GABRG3: variants seen among roughly 807,000 people sequenced by gnomAD.
GABRG3 encodes the protein gamma-aminobutyric acid type A receptor subunit gamma3.
GABRG3 carries 25 observed loss-of-function variants against 48.8 expected under a neutral mutation model. That is an observed-to-expected ratio of 0.51 (90% CI 0.37 to 0.72). The LOEUF (loss-of-function observed/expected upper bound fraction) is 0.72, where lower values mean the gene tolerates loss of function less well. GABRG3 is among the 30% of genes least tolerant of loss of function. The probability of loss-of-function intolerance (pLI) is 0.00; values close to 1 mark genes in which losing one functional copy is unlikely to be tolerated. For missense variants in GABRG3, 394 were observed against 577.9 expected (o/e 0.68, Z 3.26); for synonymous variants, 227 against 217.6 (o/e 1.04, Z -0.38).
At chr15:27,513,694 GA>G (rs146175957) in intron 6 of GABRG3, among the ~76,000 whole-genome samples, 5 of 151,782 alleles carry the variant, frequency 3.3e-5, no homozygotes, top group South Asian at 2.1e-4. Flanking sequence ...GGCTGTATTG[GA>G]AAAAAAATCC....
chr15:27,127,584 C>T (rs773247454), intron 3 of GABRG3, among the ~76,000 whole-genome samples: 4 of 152,068 alleles, frequency 2.6e-5, no homozygotes, highest in South Asian at 2.1e-4. Context: ...CTGCACTTCA[C>T]GGTGGAGGGA....
At chr15:26,996,046 AAATAT>A (rs1895334450) in intron 2 of GABRG3, among the ~76,000 whole-genome samples, 1 of 152,118 alleles carries the variant, frequency 6.6e-6, no homozygotes, top group Non-Finnish European at 1.5e-5. Context: ...ATATGTAGTT[AAATAT>A]ATTTTATTAT....
chr15:27,377,427 T>C lies in GABRG3; in HGVS notation c.574+48539T>C, dbSNP rs576340704. Among the ~76,000 whole-genome samples the C allele has an allele frequency of 2.0e-5, 3 of 152,242 alleles. No homozygotes were observed. In the South Asian group the frequency reaches 6.2e-4, roughly 32 times the overall value. On this transcript the variant is annotated intron_variant, in intron 5 of 9. Transcript: ENST00000615808. ...AGTTTTCATGCTGCTGATAAAGACA[T>C]ACCCAAGACTGGAAAGAAAAAGAGG...
At position 27,112,257 on chromosome 15, in the gene GABRG3, T is replaced by A. The variant is rs1490409822; in HGVS notation, c.270+85436T>A. The stretch of plus-strand genomic sequence containing the variant: ...TAGGGTAACAGTGTTTTCCGGTGAC[T>A]TCAGTTCTCTGATGGATTTAGAAAG... On this transcript the variant is annotated intron_variant, in intron 3 of 9. Coordinates refer to ENST00000615808, the MANE Select transcript of GABRG3 (RefSeq NM_033223.5). Among the ~76,000 whole-genome samples the A allele has an allele frequency of 3.3e-5, 5 of 152,162 alleles. No individual in the cohort carries two copies. In the East Asian group the frequency reaches 9.6e-4, roughly 29 times the overall value.
chr15:27,490,807 T>G (rs4555109), intron 6 of GABRG3, among the ~76,000 whole-genome samples: 112,001 of 151,948 alleles, frequency 0.74, 43,437 homozygotes, highest in Non-Finnish European at 0.85. Flanking sequence ...TATTTATCTT[T>G]TAGACTCATT....
chr15:27,453,218 C>T (rs1345555116), intron 5 of GABRG3, among the ~76,000 whole-genome samples: 1 of 152,096 alleles, frequency 6.6e-6, no homozygotes, highest in Non-Finnish European at 1.5e-5. Context: ...ATGTACAGCA[C>T]CATGACTATA....
intron 3 of GABRG3, among the ~76,000 whole-genome samples, chr15:27,135,770 T>C (rs1566944285): frequency 6.6e-6 from 1 of 152,050 alleles, no homozygotes; most frequent in Non-Finnish European, 1.5e-5. Context: ...CCAGTCATGG[T>C]GGTGTGCGCC....
intron 3 of GABRG3, among the ~76,000 whole-genome samples, chr15:27,123,507 G>A (rs1436261141): frequency 6.6e-6 from 1 of 152,224 alleles, no homozygotes; most frequent in African/African-American, 2.4e-5. Context: ...ATCTGCTGGA[G>A]CCTTGATCTT....
rs201244461 is a variant in GABRG3 at position 27,424,903 on chromosome 15, G to C, written c.575-55747G>C. ...CATTGGTGATTACATTTCAGCGTAT[G>C]AACTACGGGGACACATTCAGAGCAT... On this transcript the variant is annotated intron_variant, in intron 5 of 9. Coordinates refer to ENST00000615808, the MANE Select transcript of GABRG3 (RefSeq NM_033223.5). Among the ~76,000 whole-genome samples the C allele has an allele frequency of 2.6e-5, 4 of 152,250 alleles. No homozygotes were observed. The East Asian group carries it at 7.8e-4, about 30-fold the overall frequency.
intron 2 of GABRG3, among the ~76,000 whole-genome samples, chr15:27,005,826 T>C (rs1406484636): frequency 6.6e-6 from 1 of 152,200 alleles, no homozygotes; most frequent in Non-Finnish European, 1.5e-5. Flanking sequence ...GTGGTAGAGT[T>C]TGTGGCCAAT....
intron 3 of GABRG3, among the ~76,000 whole-genome samples, chr15:27,137,788 T>C (rs775034472): frequency 9.2e-5 from 14 of 152,184 alleles, no homozygotes; most frequent in Non-Finnish European, 2.1e-4. Context: ...CTGTGGCAAA[T>C]GCTCAGGTGA....
chr15:27,527,692 A>T, intron 8 of GABRG3, 63 bp downstream of exon 8: 1 of 1,407,258 alleles, frequency 7.1e-7, no homozygotes. Context: ...ATGAGTGTGT[A>T]CTTAAATGCA....
At chr15:27,277,690 G>C (rs1019869384) in intron 3 of GABRG3, among the ~76,000 whole-genome samples, 1 of 152,072 alleles carries the variant, frequency 6.6e-6, no homozygotes, top group African/African-American at 2.4e-5. Flanking sequence ...CTTCACAACA[G>C]TACCTATAAA....
At chr15:27,445,016 C>T (rs1888901551) in intron 5 of GABRG3, among the ~76,000 whole-genome samples, 2 of 152,156 alleles carry the variant, frequency 1.3e-5, no homozygotes, top group Non-Finnish European at 1.5e-5. Flanking sequence ...TGATTACAGG[C>T]GCCTGCCACC....
chr15:27,078,782 A>G (rs1896948788), intron 3 of GABRG3, among the ~76,000 whole-genome samples: 1 of 152,192 alleles, frequency 6.6e-6, no homozygotes, highest in South Asian at 2.1e-4. Context: ...CTGGCCAGTA[A>G]AGTGGTCAGT....
intron 5 of GABRG3, among the ~76,000 whole-genome samples, chr15:27,333,272 A>G (rs902960176): frequency 1.3e-5 from 2 of 152,212 alleles, no homozygotes; most frequent in African/African-American, 2.4e-5. Context: ...TCAATTTAAT[A>G]TCTTACATTT....
intron 6 of GABRG3, among the ~76,000 whole-genome samples, chr15:27,493,671 A>T (rs1426645523): frequency 1.3e-5 from 2 of 152,246 alleles, no homozygotes; most frequent in Non-Finnish European, 1.5e-5. Context: ...ATTGCTCTGA[A>T]GTTAAAAACA....
intron 3 of GABRG3, among the ~76,000 whole-genome samples, chr15:27,140,121 G>A (rs1390805822): frequency 6.6e-6 from 1 of 152,164 alleles, no homozygotes; most frequent in East Asian, 1.9e-4. Flanking sequence ...ACCAGTAAAG[G>A]TAAGTTTCAC....
At chr15:27,192,524 T>C (rs1888352400) in intron 3 of GABRG3, among the ~76,000 whole-genome samples, 2 of 152,246 alleles carry the variant, frequency 1.3e-5, no homozygotes, top group African/African-American at 4.8e-5. Context: ...CATTGGCTCC[T>C]GAGGCTTCTG....
Sources: gnomAD v4.1 joint callset for allele counts (sites outside exome capture counted in the v4.1 genomes callset) on GRCh38, gnomAD v4.1.1 for gene constraint, MANE v1.5 for transcripts, NCBI Gene and HGNC (gene_info 2026-07-23, HGNC 2026-07-21) for gene names.